Variants in FNDC3B observed in about 807,000 individuals in gnomAD.
The protein encoded by FNDC3B is fibronectin type III domain-containing protein 3B.
FNDC3B carries 12 observed loss-of-function variants against 151.5 expected under a neutral mutation model. That is an observed-to-expected ratio of 0.08 (90% CI 0.05 to 0.13). The LOEUF (loss-of-function observed/expected upper bound fraction) is 0.13. Among genes scored for constraint, FNDC3B ranks in the 10% least tolerant of loss-of-function variants. The pLI is 1.00. For synonymous variants in FNDC3B, 528 were observed against 549.0 expected, an observed-to-expected ratio of 0.96 and a Z score of 0.54; for missense variants, 1,214 against 1,505.3, an observed-to-expected ratio of 0.81 and a Z score of 3.20.
At position 172,344,125 on chromosome 3, in the gene FNDC3B, A is replaced by G; in HGVS notation, c.2117A>G (p.Tyr706Cys). 2 of 1,614,144 alleles carry G rather than the reference A, an allele frequency of 1.2e-6. No homozygotes were observed. The highest frequency in any genetic ancestry group is 1.7e-6 in the Non-Finnish European group (2 of 1,180,012). Reference protein sequence around the residue: ...ASESGCEVSEYSVEMTEPEDV... With the variant: ...ASESGCEVSECSVEMTEPEDV... ...GAAAGTGGCTGTGAGGTCTCAGAGT[A>G]CAGCGTGGAGATGACGGAGCCCGAA... Residue 706 changes from tyrosine (Y) to cysteine (C), a missense_variant, in exon 19 of 26, where the codon TAC (tyrosine) becomes TGC (cysteine). Tyr to Cys is a radical substitution (Grantham distance 194). Around this residue, in one of 7 missense-constraint regions of FNDC3B, gnomAD observed 380 missense variants for 420.9 expected, o/e 0.90. Coordinates refer to ENST00000415807, the MANE Select transcript of FNDC3B (RefSeq NM_022763.4).
At chr3:172,152,578 C>CTTTTTTTT (rs10662326) in intron 3 of FNDC3B, among the ~76,000 whole-genome samples, 10 of 125,806 alleles carry the variant, frequency 7.9e-5, no homozygotes, top group African/African-American at 9.2e-5. Context: ...ATGGGAAGGG[C>CTTTTTTTT]TTTTTTTTTT....
chr3:172,148,088 C>A (rs1722010731), intron 3 of FNDC3B, among the ~76,000 whole-genome samples: 1 of 151,902 alleles, frequency 6.6e-6, no homozygotes, highest in South Asian at 2.1e-4. Flanking sequence ...AATTCAGTTG[C>A]TAATTTTATT....
intron 18 of FNDC3B, 98 bp from the exon 19 acceptor site, chr3:172,343,988 C>G: frequency 9.3e-7 from 1 of 1,073,542 alleles, no homozygotes; most frequent in Non-Finnish European, 1.4e-6. Flanking sequence ...AGGCCGGCCA[C>G]CTATGTGATA....
intron 6 of FNDC3B, among the ~76,000 whole-genome samples, chr3:172,252,189 G>A (rs1471139715): frequency 6.6e-6 from 1 of 152,142 alleles, no homozygotes; most frequent in Non-Finnish European, 1.5e-5. Context: ...GTGTTTAAAT[G>A]AAGTTTTGGA....
chr3:172,092,853 C>T (rs1362194081), intron 1 of FNDC3B, among the ~76,000 whole-genome samples: 5 of 152,044 alleles, frequency 3.3e-5, no homozygotes, highest in African/African-American at 4.8e-5. Context: ...TTGCCCAGGC[C>T]GGAGCGCAGT....
At chr3:172,183,352 G>A (rs1405008859) in intron 3 of FNDC3B, among the ~76,000 whole-genome samples, 1 of 152,064 alleles carries the variant, frequency 6.6e-6, no homozygotes, top group Non-Finnish European at 1.5e-5. Context: ...CTTTATAAAT[G>A]TATGAAAAAC....
At chr3:172,210,133 C>A (rs1725657507) in intron 3 of FNDC3B, among the ~76,000 whole-genome samples, 1 of 152,148 alleles carries the variant, frequency 6.6e-6, no homozygotes, top group Non-Finnish European at 1.5e-5. Flanking sequence ...ACGCAGGCTC[C>A]CACCCTGCCA....
At chr3:172,276,944 T>G (rs1223654030) in intron 6 of FNDC3B, among the ~76,000 whole-genome samples, 1 of 152,226 alleles carries the variant, frequency 6.6e-6, no homozygotes, top group African/African-American at 2.4e-5. Context: ...ATTAAAGATG[T>G]TATTGGAACA....
At chr3:172,096,750 A>G (rs1346909730) in intron 1 of FNDC3B, among the ~76,000 whole-genome samples, 4 of 152,256 alleles carry the variant, frequency 2.6e-5, no homozygotes, top group South Asian at 2.1e-4. Flanking sequence ...TGGTGAGATT[A>G]TGAACAATTA....
chr3:172,364,139 A>G (rs2108345536), intron 23 of FNDC3B, among the ~76,000 whole-genome samples: 1 of 152,332 alleles, frequency 6.6e-6, no homozygotes, highest in East Asian at 1.9e-4. Context: ...ACTGATACAC[A>G]AGAGCATTCA....
intron 11 of FNDC3B, among the ~76,000 whole-genome samples, chr3:172,320,932 C>G (rs1467164787): frequency 3.9e-5 from 6 of 152,184 alleles, no homozygotes; most frequent in Non-Finnish European, 7.4e-5. Context: ...TGTTTTCAGT[C>G]TTTCAACTAC....
At chr3:172,182,310 C>T (rs907789735) in intron 3 of FNDC3B, among the ~76,000 whole-genome samples, 11 of 152,230 alleles carry the variant, frequency 7.2e-5, no homozygotes, top group Non-Finnish European at 1.3e-4. Flanking sequence ...GGTGGCTGTC[C>T]GGGGTCTTCT....
At chr3:172,103,742 A>G (rs1032477191) in intron 1 of FNDC3B, among the ~76,000 whole-genome samples, 3 of 152,216 alleles carry the variant, frequency 2.0e-5, no homozygotes, top group African/African-American at 7.2e-5. Context: ...TTTTATGCTT[A>G]TAATTGGATG....
intron 9 of FNDC3B, among the ~76,000 whole-genome samples, chr3:172,300,167 T>C (rs1730834398): frequency 6.6e-6 from 1 of 152,238 alleles, no homozygotes. Context: ...CTGTGTAATT[T>C]GTGAAGCTAA....
chr3:172,044,629 A>G (rs1173964205), intron 1 of FNDC3B, among the ~76,000 whole-genome samples: 2 of 152,198 alleles, frequency 1.3e-5, no homozygotes, highest in African/African-American at 2.4e-5. Flanking sequence ...CATCCTGTTC[A>G]TACCCATTCC....
At chr3:172,364,573 A>G (rs770091720) in intron 23 of FNDC3B, among the ~76,000 whole-genome samples, 30 of 152,224 alleles carry the variant, frequency 2.0e-4, no homozygotes, top group Non-Finnish European at 2.9e-4. Context: ...GCAGCAGCCC[A>G]CTAGTGCCTC....
At chr3:172,318,465 G>T (rs1310993837) in intron 11 of FNDC3B, among the ~76,000 whole-genome samples, 1 of 152,244 alleles carries the variant, frequency 6.6e-6, no homozygotes, top group East Asian at 1.9e-4. Flanking sequence ...TAGCTCAAGT[G>T]TTGAATAGTT....
At chr3:172,283,250 T>C (rs773389623) in intron 6 of FNDC3B, among the ~76,000 whole-genome samples, 1 of 152,208 alleles carries the variant, frequency 6.6e-6, no homozygotes, top group Non-Finnish European at 1.5e-5. Flanking sequence ...TTTATTATTA[T>C]TCCTTTTAAT....
At chr3:172,322,789 C>G (rs922187280) in intron 11 of FNDC3B, among the ~76,000 whole-genome samples, 1 of 152,142 alleles carries the variant, frequency 6.6e-6, no homozygotes, top group African/African-American at 2.4e-5. Context: ...GACCTCATAC[C>G]TCATAGCCAG....
Sources: allele counts gnomAD v4.1 joint callset (sites outside exome capture counted in the v4.1 genomes callset), GRCh38; gene constraint gnomAD v4.1.1; regional missense constraint gnomAD v4.1.1; transcripts MANE v1.5; gene names NCBI Gene and HGNC (gene_info 2026-07-23, HGNC 2026-07-21).